YTHDF2: variants seen among roughly 807,000 people sequenced by gnomAD.
YTHDF2 encodes the protein YTH N6-methyladenosine RNA binding protein F2, also known as YTH domain-containing family protein 2.
Under a neutral mutation model 50.4 loss-of-function variants are expected in YTHDF2, and 2 were observed. That is an observed-to-expected ratio of 0.04 (90% CI 0.02 to 0.12). YTHDF2 has a LOEUF of 0.12. Ranked by LOEUF, YTHDF2 falls within the 10% of genes least tolerant of loss-of-function variation. The pLI, the probability that YTHDF2 is intolerant of heterozygous loss-of-function variation, is 1.00. For missense variants in YTHDF2, 483 were observed against 722.6 expected (o/e 0.67, Z 3.80); for synonymous variants, 217 against 255.6 (o/e 0.85, Z 1.44).
chr1:28,744,712 A>G (rs2087832168), intron 4 of YTHDF2, among the ~76,000 whole-genome samples: 1 of 152,180 alleles, frequency 6.6e-6, no homozygotes, highest in Non-Finnish European at 1.5e-5. Context: ...TCTGTTGCCC[A>G]GGCTGGAGTG....
At chr1:28,747,592 G>A (rs1261666354) in intron 4 of YTHDF2, among the ~76,000 whole-genome samples, 3 of 135,942 alleles carry the variant, frequency 2.2e-5, no homozygotes, top group Admixed American at 7.7e-5. Flanking sequence ...TCACTCTGTC[G>A]CCCAGGCTGG....
At chr1:28,765,494 T>A (rs971772075) in intron 4 of YTHDF2, among the ~76,000 whole-genome samples, 1 of 152,126 alleles carries the variant, frequency 6.6e-6, no homozygotes, top group African/African-American at 2.4e-5. Flanking sequence ...GGTGGCATCA[T>A]AGCTCACTGT....
At chr1:28,753,180 C>T (rs1325777932) in intron 4 of YTHDF2, among the ~76,000 whole-genome samples, 3 of 151,296 alleles carry the variant, frequency 2.0e-5, no homozygotes, top group South Asian at 2.1e-4. Context: ...TCTCTAACCC[C>T]GAAGCTCATG....
intron 4 of YTHDF2, among the ~76,000 whole-genome samples, chr1:28,761,904 T>G: frequency 6.6e-6 from 1 of 152,202 alleles, no homozygotes; most frequent in Non-Finnish European, 1.5e-5. Flanking sequence ...AAAAATACTT[T>G]GTCTCTTTAT....
intron 4 of YTHDF2, among the ~76,000 whole-genome samples, chr1:28,764,206 C>T (rs547794922): frequency 4.6e-5 from 7 of 152,024 alleles, no homozygotes; most frequent in African/African-American, 1.7e-4. Flanking sequence ...CCACCTCGGC[C>T]TCCCAAAGTG....
chr1:28,742,290 C>T (rs2124629069), intron 3 of YTHDF2, 113 bp from the exon 4 acceptor site: 15 of 1,374,624 alleles, frequency 1.1e-5, no homozygotes, highest in South Asian at 4.4e-5. Flanking sequence ...CCACCGCGTC[C>T]GGCCTGCACA....
At chr1:28,759,429 G>A (rs1380344072) in intron 4 of YTHDF2, among the ~76,000 whole-genome samples, 18 of 152,040 alleles carry the variant, frequency 1.2e-4, no homozygotes, top group Admixed American at 1.2e-3. Flanking sequence ...TTAGCGATGG[G>A]GATATGTTCT....
At chr1:28,748,058 G>A (rs1268962314) in intron 4 of YTHDF2, among the ~76,000 whole-genome samples, 1 of 151,548 alleles carries the variant, frequency 6.6e-6, no homozygotes, top group East Asian at 2.0e-4. Context: ...AACCCAGGGG[G>A]CGGAGCTTGC....
In YTHDF2 at chr1:28,756,922, T is replaced by C. The variant is rs376905263; in HGVS notation, c.1717-12007T>C. On this transcript the variant is annotated intron_variant, in intron 4 of 4. Coordinates refer to ENST00000373812, the MANE Select transcript of YTHDF2 (RefSeq NM_016258.3). Reference sequence around the variant, plus strand: ...TAGGGCAAACGTTCTCTTCCTGCTTTTTTACATTCATCATTGAAATCCTGT... The same window carrying C: ...TAGGGCAAACGTTCTCTTCCTGCTTCTTTACATTCATCATTGAAATCCTGT... Among the ~76,000 whole-genome samples, 11 of 152,324 alleles carry C rather than the reference T, an allele frequency of 7.2e-5. No individual in the cohort carries two copies. The South Asian group carries it at 2.1e-3, about 29-fold the overall frequency.
At chr1:28,736,819 T>G, upstream of YTHDF2, 4 of 375,282 alleles carry the variant, frequency 1.1e-5, no homozygotes, top group Non-Finnish European at 1.9e-5. Flanking sequence ...GGTGAGTGAA[T>G]GTGAGAGTCA....
At position 28,743,375 on chromosome 1, in the gene YTHDF2, A is replaced by G. The variant is rs2087809210; in HGVS notation, c.1105A>G (p.Asn369Asp). The G allele has an allele frequency of 6.2e-7, 1 of 1,614,172 alleles. No individual in the cohort carries two copies. The highest frequency in any genetic ancestry group is 8.5e-7 in the Non-Finnish European group (1 of 1,180,028). Residue 369 changes from asparagine (N) to aspartate (D), a missense_variant, in exon 4 of 5, where the codon AAT becomes GAT. Asn to Asp is a conservative substitution (Grantham distance 23). Coordinates refer to ENST00000373812, the MANE Select transcript of YTHDF2 (RefSeq NM_016258.3). This position sits in a 1 kb window ranked among gnomAD's most constrained non-coding sequence, Gnocchi z 6.9. Reference protein sequence around the residue: ...SGFGHNGVDGNGVGQSQAGSG... With the variant: ...SGFGHNGVDGDGVGQSQAGSG... ...GTTCGGTCATAATGGGGTGGATGGT[A>G]ATGGAGTAGGACAGTCTCAGGCTGG...
In YTHDF2 at chr1:28,737,075, C is replaced by T. The variant is rs572632613; in HGVS notation, c.-46C>T. 3 of 1,574,670 alleles carry T rather than the reference C, an allele frequency of 1.9e-6. No homozygotes were observed. The African/African-American group carries it at 4.1e-5, about 21-fold the overall frequency. On this transcript the variant is annotated 5_prime_UTR_variant, in exon 1 of 5. Coordinates refer to ENST00000373812, the MANE Select transcript of YTHDF2 (RefSeq NM_016258.3). ...GGGCTCATCTGCCGCCGCCGCCGCG[C>T]TGAGGAGAGTTCGCCGCCGTCGCCG... is the stretch of plus-strand genomic sequence containing the variant.
At chr1:28,752,578 G>A (rs533424980) in intron 4 of YTHDF2, among the ~76,000 whole-genome samples, 1 of 152,250 alleles carries the variant, frequency 6.6e-6, no homozygotes, top group East Asian at 1.9e-4. Flanking sequence ...ACAGGTGTGA[G>A]CCACCATGCC....
chr1:28,751,754 G>T (rs1305851732), intron 4 of YTHDF2, among the ~76,000 whole-genome samples: 1 of 152,182 alleles, frequency 6.6e-6, no homozygotes, highest in Non-Finnish European at 1.5e-5. Context: ...GAAGCAGAGG[G>T]TTTTAGGAGG....
Position 28,737,385 on chromosome 1 carries a change from G to T in YTHDF2, c.27+238G>T. 4.8e-6 allele frequency: 3 copies of T among 629,624 alleles called. No individual in the cohort carries two copies. In the South Asian group the frequency reaches 6.6e-5, roughly 14 times the overall value. 39.0% of individuals were successfully genotyped at this position (629,624 alleles called of 1,614,324 possible). On this transcript the variant is annotated intron_variant, in intron 1 of 4. Coordinates refer to ENST00000373812, the MANE Select transcript of YTHDF2 (RefSeq NM_016258.3). ...CGCGCCGCGTTCCCTTCTCTCGGCG[G>T]GCCTCGTTTTCCTTCCTTGTTTCCT...
chr1:28,742,536 A>G lies in YTHDF2; in HGVS notation c.266A>G (p.Tyr89Cys). ...GDTAMPYLTS[Y>C]GQLSNGEPHF... ...ACAGCCATGCCCTACTTAACTTCTT[A>G]TGGACAGCTGAGCAACGGAGAGCCC... The change falls in exon 4 of 5, where the codon TAT becomes TGT. Residue 89 changes from tyrosine (Y) to cysteine (C), a missense_variant. Coordinates refer to ENST00000373812, the MANE Select transcript of YTHDF2 (RefSeq NM_016258.3). 6.2e-7 allele frequency: 1 copy of G among 1,614,008 alleles called. No homozygotes were observed. The highest frequency in any genetic ancestry group is 1.1e-5 in the South Asian group (1 of 91,078).
At chr1:28,736,862 T>C (rs1046894753), upstream of YTHDF2, 129 of 317,716 alleles carry the variant, frequency 4.1e-4, 1 homozygote, top group East Asian at 8.1e-3. Context: ...CCGCCTCCGC[T>C]GTTCGGCGCT....
Position 28,769,604 on chromosome 1 carries a change from T to G in YTHDF2, c.*652T>G, listed in dbSNP as rs189369572. On this transcript the variant is annotated 3_prime_UTR_variant, in exon 5 of 5. Coordinates refer to ENST00000373812, the MANE Select transcript of YTHDF2 (RefSeq NM_016258.3). ...GTCAGGATTAATTTGATTTCAAAGC[T>G]GAGAACAGTGGTAAAAACTCGTTTA... 1 of 152,668 alleles carries G rather than the reference T, an allele frequency of 6.6e-6. No individual in the cohort carries two copies. Among genetic ancestry groups the G allele is most frequent in the African/African-American group, 2.4e-5 (1 of 41,460 alleles). The allele number at this position is 152,668 out of a possible 1,614,324, so 9.5% of individuals were successfully genotyped here. A position where few individuals can be genotyped will look rare whatever the true frequency, so the allele number is the denominator to read the frequency against.
At position 28,769,636 on chromosome 1, in the gene YTHDF2, T is replaced by G. The variant is rs975134788; in HGVS notation, c.*684T>G. The G allele has an allele frequency of 1.3e-5, 2 of 152,648 alleles. No individual in the cohort carries two copies. The highest frequency in any genetic ancestry group is 4.8e-5 in the African/African-American group (2 of 41,462). 9.5% of individuals were successfully genotyped at this position (152,648 alleles called of 1,614,324 possible). A position where few individuals can be genotyped will look rare whatever the true frequency, so the allele number is the denominator to read the frequency against. ...AGTGGTAAAAACTCGTTTACAGAAA[T>G]GCATTTTGGAAGAGAAAAATACTGT... On this transcript the variant is annotated 3_prime_UTR_variant, in exon 5 of 5. Transcript: ENST00000373812.
Sources: gnomAD v4.1 joint callset for allele counts (sites outside exome capture counted in the v4.1 genomes callset) on GRCh38, gnomAD v4.1.1 for gene constraint, Gnocchi (gnomAD v3.1) non-coding constraint, MANE v1.5 for transcripts, NCBI Gene and HGNC (gene_info 2026-07-23, HGNC 2026-07-21) for gene names.